The following DNAAF11 variants were observed in gnomAD, a reference collection of about 807,000 sequenced individuals.
DNAAF11 encodes dynein axonemal assembly factor 11, also known as leucine rich repeat containing 6.
A neutral mutation model predicts 60.8 loss-of-function variants in DNAAF11; 45 were observed. That is an observed-to-expected ratio of 0.74 (90% CI 0.58 to 0.95). The LOEUF is 0.95. Among genes scored for constraint, DNAAF11 ranks in the 40% least tolerant of loss-of-function variants. The pLI is 0.00. For missense variants in DNAAF11, 546 were observed against 546.2 expected, an observed-to-expected ratio of 1.00 and a Z score of 0.00; for synonymous variants, 191 against 183.5, an observed-to-expected ratio of 1.04 and a Z score of -0.33.
intron 10 of DNAAF11, among the ~76,000 whole-genome samples, chr8:132,604,175 A>T (rs1203643316): frequency 1.3e-5 from 2 of 152,344 alleles, no homozygotes; most frequent in Admixed American, 6.5e-5. Flanking sequence ...CAAGATGCCC[A>T]GGCAACACTA....
upstream of DNAAF11, among the ~76,000 whole-genome samples, chr8:132,676,672 A>T (rs1825770886): frequency 6.6e-6 from 1 of 152,212 alleles, no homozygotes; most frequent in Non-Finnish European, 1.5e-5. Context: ...ACTTGGACAG[A>T]GAGGCAGGAA....
chr8:132,629,573 T>A (rs1300842075), intron 5 of DNAAF11, among the ~76,000 whole-genome samples: 1 of 151,980 alleles, frequency 6.6e-6, no homozygotes, highest in Non-Finnish European at 1.5e-5. Flanking sequence ...GGTCTCAATC[T>A]CCTGACCTCG....
At chr8:132,695,734 GC>G in the DNAAF11 span, among the ~76,000 whole-genome samples, 1 of 136,596 alleles carries the variant, frequency 7.3e-6, no homozygotes, top group Non-Finnish European at 1.7e-5. Flanking sequence ...TCAAAGAAAG[GC>G]CCGGATGTGT....
intron 10 of DNAAF11, among the ~76,000 whole-genome samples, chr8:132,595,863 G>A (rs1408331581): frequency 1.3e-5 from 2 of 152,220 alleles, no homozygotes; most frequent in East Asian, 1.9e-4. Context: ...TGAGAAGGCT[G>A]TCCAAGGTAG....
rs372782405 is a variant in DNAAF11 at position 132,583,687 on chromosome 8, G to C, written c.1226+7C>G. ...ATACAGCTAAGGACAGTCTGGGAGG[G>C]TGGTACCTTGTATTTGTTTGTTCTC... is the stretch of plus-strand genomic sequence containing the variant. On this transcript the variant is annotated splice_region_variant and intron_variant, in intron 11 of 11. Coordinates refer to ENST00000620350, the MANE Select transcript of DNAAF11 (RefSeq NM_012472.6). 20 of 1,610,080 alleles carry C rather than the reference G, an allele frequency of 1.2e-5. No individual in the cohort carries two copies. Among genetic ancestry groups the C allele is most frequent in the Non-Finnish European group, 1.7e-5 (20 of 1,176,622 alleles).
At chr8:132,654,459 T>C (rs1216424350) in intron 3 of DNAAF11, among the ~76,000 whole-genome samples, 1 of 151,952 alleles carries the variant, frequency 6.6e-6, no homozygotes, top group Non-Finnish European at 1.5e-5. Context: ...AACCCAAGAA[T>C]GGCAGCATGT....
intron 10 of DNAAF11, among the ~76,000 whole-genome samples, chr8:132,586,320 A>T (rs1438948226): frequency 6.6e-6 from 1 of 152,222 alleles, no homozygotes; most frequent in Non-Finnish European, 1.5e-5. Flanking sequence ...GCTATCCAAC[A>T]CAATAGCTAC....
intron 11 of DNAAF11, among the ~76,000 whole-genome samples, chr8:132,583,456 T>C (rs1815542174): frequency 6.6e-6 from 1 of 152,176 alleles, no homozygotes; most frequent in African/African-American, 2.4e-5. Flanking sequence ...GTGTTGACAT[T>C]ACCAGTCGTT....
intron 3 of DNAAF11, among the ~76,000 whole-genome samples, chr8:132,652,402 C>T (rs754844699): frequency 1.3e-5 from 2 of 152,026 alleles, no homozygotes. Context: ...CAAAATAAAA[C>T]AGAAACCTCA....
At chr8:132,666,818 G>A (rs575384631) in intron 1 of DNAAF11, among the ~76,000 whole-genome samples, 2 of 152,298 alleles carry the variant, frequency 1.3e-5, no homozygotes, top group East Asian at 3.9e-4. Flanking sequence ...AGCACAGTGT[G>A]CATACCACTC....
chr8:132,599,319 A>T (rs1340058603), intron 10 of DNAAF11, among the ~76,000 whole-genome samples: 1 of 152,196 alleles, frequency 6.6e-6, no homozygotes, highest in African/African-American at 2.4e-5. Flanking sequence ...GACCAGAAAG[A>T]TTCACAGCCA....
At chr8:132,685,108 A>G in the DNAAF11 span, 15 of 152,340 alleles carry the variant, frequency 9.8e-5, no homozygotes, top group African/African-American at 3.4e-4. Context: ...CTAAAGGCCT[A>G]AAGAAATTAT....
intron 10 of DNAAF11, among the ~76,000 whole-genome samples, chr8:132,604,267 A>C (rs888050975): frequency 6.6e-6 from 1 of 152,174 alleles, no homozygotes; most frequent in Non-Finnish European, 1.5e-5. Flanking sequence ...AAAAAGTGGA[A>C]TGTGTGCAAC....
intron 4 of DNAAF11, among the ~76,000 whole-genome samples, chr8:132,634,794 T>C (rs949733278): frequency 5.4e-5 from 8 of 148,546 alleles, no homozygotes; most frequent in Non-Finnish European, 8.9e-5. Flanking sequence ...TATATATAAA[T>C]ATATATTAAC....
At chr8:132,619,307 G>A (rs1819522195) in intron 7 of DNAAF11, among the ~76,000 whole-genome samples, 1 of 151,906 alleles carries the variant, frequency 6.6e-6, no homozygotes, top group African/African-American at 2.4e-5. Flanking sequence ...GTGGGGTGGG[G>A]GGATGGGGGA....
intron 1 of DNAAF11, among the ~76,000 whole-genome samples, chr8:132,670,143 TAATG>T (rs1825043411): frequency 6.6e-6 from 1 of 151,244 alleles, no homozygotes; most frequent in African/African-American, 2.4e-5. Flanking sequence ...AGAAAGTAAA[TAATG>T]AAGATTATAA....
At chr8:132,697,076 C>A in the DNAAF11 span, among the ~76,000 whole-genome samples, 2 of 152,226 alleles carry the variant, frequency 1.3e-5, no homozygotes, top group Non-Finnish European at 2.9e-5. Flanking sequence ...ACACAAAGAC[C>A]GCATATTGCA....
At chr8:132,699,633 C>CT in the DNAAF11 span, among the ~76,000 whole-genome samples, 5,023 of 151,182 alleles carry the variant, frequency 0.033, 318 homozygotes, top group African/African-American at 0.12. Flanking sequence ...CTCACTCACT[C>CT]TTTTTTTTTC....
At position 132,632,914 on chromosome 8, in the gene DNAAF11, T is replaced by A. The variant is rs1820946566; in HGVS notation, c.479A>T (p.Gln160Leu). ...IEPSERIKAL[Q>L]DYSVIEPQIR... ...TTGTGGTTCAATTACTGAATAGTCCTGCAATGCCTTAATCCTTTCTGAAGG... is the reference window on the plus strand; with the variant it reads ...TTGTGGTTCAATTACTGAATAGTCCAGCAATGCCTTAATCCTTTCTGAAGG... Residue 160 changes from glutamine to leucine, a missense_variant, in exon 5 of 12, where the codon CAG (glutamine) becomes CTG (leucine). Transcript: ENST00000620350. The A allele has an allele frequency of 5.6e-6, 9 of 1,613,930 alleles. No homozygotes were observed. The highest frequency in any genetic ancestry group is 1.3e-5 in the African/African-American group (1 of 75,048).
Sources: gnomAD v4.1 joint callset for allele counts (sites outside exome capture counted in the v4.1 genomes callset) on GRCh38, gnomAD v4.1.1 for gene constraint, MANE v1.5 for transcripts, NCBI Gene and HGNC (gene_info 2026-07-23, HGNC 2026-07-21) for gene names.